The following SNX9 variants were observed in gnomAD, a reference collection of about 807,000 sequenced individuals.
SNX9 encodes the protein sorting nexin-9.
SNX9 carries 44 observed loss-of-function variants against 89.4 expected under a neutral mutation model. That is an observed-to-expected ratio of 0.49 (90% CI 0.39 to 0.63). The LOEUF is 0.63. SNX9 is among the 30% of genes least tolerant of loss of function. The pLI, the probability that SNX9 is intolerant of heterozygous loss-of-function variation, is 0.00. For synonymous variants in SNX9, 236 were observed against 247.8 expected (o/e 0.95, Z 0.45); for missense variants, 578 against 736.1 (o/e 0.79, Z 2.49).
intron 1 of SNX9, among the ~76,000 whole-genome samples, chr6:157,834,228 G>A (rs1383065397): frequency 4.4e-5 from 6 of 135,418 alleles, no homozygotes; most frequent in Non-Finnish European, 7.7e-5. Context: ...AAGTGCAGTG[G>A]TGCAACCTCC....
At chr6:157,830,050 A>C (rs548514407) in intron 1 of SNX9, 6 of 152,336 alleles carry the variant, frequency 3.9e-5, no homozygotes, top group African/African-American at 1.4e-4. Context: ...ATTTAACTCC[A>C]GTCATCTCCC....
At chr6:157,857,806 T>A (rs1259443334) in intron 1 of SNX9, among the ~76,000 whole-genome samples, 1 of 152,156 alleles carries the variant, frequency 6.6e-6, no homozygotes, top group Non-Finnish European at 1.5e-5. Context: ...GTGCTATTGA[T>A]GATATTGGGG....
intron 1 of SNX9, among the ~76,000 whole-genome samples, chr6:157,865,340 GAA>G (rs541824549): frequency 6.3e-5 from 6 of 95,476 alleles, no homozygotes; most frequent in Non-Finnish European, 6.5e-5. Flanking sequence ...ACAGTCTCAG[GAA>G]AAAAAAAAAA....
intron 4 of SNX9, among the ~76,000 whole-genome samples, chr6:157,888,229 A>T (rs945595249): frequency 2.0e-5 from 3 of 151,946 alleles, no homozygotes; most frequent in African/African-American, 7.3e-5. Flanking sequence ...GAATATTAAC[A>T]TTTTTTTTAA....
chr6:157,927,103 A>AT lies in SNX9; in HGVS notation c.1081-5dup, dbSNP rs1562620962. 2 of 1,610,926 alleles carry AT rather than the reference A, an allele frequency of 1.2e-6. No individual in the cohort carries two copies. Among genetic ancestry groups the AT allele is most frequent in the Non-Finnish European group, 1.7e-6 (2 of 1,177,068 alleles). On this transcript the variant is annotated splice_region_variant and splice_polypyrimidine_tract_variant and intron_variant, in intron 10 of 17. Coordinates refer to ENST00000392185, the MANE Select transcript of SNX9 (RefSeq NM_016224.5). ...TCCACTTGAACCTTACAACATTCTCATTTACAGGAATGGAAAACTGGAAAG... is the reference window on the plus strand; with the variant it reads ...TCCACTTGAACCTTACAACATTCTCATTTTACAGGAATGGAAAACTGGAAAG...
chr6:157,908,843 C>T (rs1318716203), intron 7 of SNX9, among the ~76,000 whole-genome samples: 1 of 152,132 alleles, frequency 6.6e-6, no homozygotes, highest in Non-Finnish European at 1.5e-5. Context: ...TAAGCCTCGC[C>T]TGAATTTGTG....
intron 1 of SNX9, among the ~76,000 whole-genome samples, chr6:157,860,716 CT>C (rs1455788999): frequency 6.6e-6 from 1 of 152,154 alleles, no homozygotes; most frequent in Non-Finnish European, 1.5e-5. Flanking sequence ...TTTGTATTTC[CT>C]GTGGTCTTAA....
At chr6:157,929,679 C>G (rs1465917391) in intron 12 of SNX9, among the ~76,000 whole-genome samples, 1 of 152,062 alleles carries the variant, frequency 6.6e-6, no homozygotes, top group African/African-American at 2.4e-5. Context: ...TGATGCTCAG[C>G]ATAGGAAAGG....
At chr6:157,896,584 T>A (rs1782981602) in intron 4 of SNX9, among the ~76,000 whole-genome samples, 1 of 152,226 alleles carries the variant, frequency 6.6e-6, no homozygotes, top group Non-Finnish European at 1.5e-5. Flanking sequence ...GTTGCTGTTT[T>A]CAAAGTTCCT....
chr6:157,856,655 C>G (rs1444389201), intron 1 of SNX9, among the ~76,000 whole-genome samples: 1 of 152,198 alleles, frequency 6.6e-6, no homozygotes, highest in Non-Finnish European at 1.5e-5. Flanking sequence ...CCTTACCTCA[C>G]TCCCAACCCT....
At chr6:157,893,612 G>GTT (rs1396951017) in intron 4 of SNX9, among the ~76,000 whole-genome samples, 1 of 150,906 alleles carries the variant, frequency 6.6e-6, no homozygotes, top group East Asian at 1.9e-4. Context: ...CACCATTTGT[G>GTT]TGTGTGTGTG....
chr6:157,878,430 C>CTTTTTTTTTTTT (rs374518124), intron 4 of SNX9, among the ~76,000 whole-genome samples: 4 of 146,880 alleles, frequency 2.7e-5, no homozygotes, highest in African/African-American at 2.5e-5. Flanking sequence ...GGAAGCCCAC[C>CTTTTTTTTTTTT]ATTTTTTTTT....
chr6:157,853,367 G>A (rs1026170014), intron 1 of SNX9, among the ~76,000 whole-genome samples: 1 of 151,838 alleles, frequency 6.6e-6, no homozygotes, highest in Non-Finnish European at 1.5e-5. Flanking sequence ...CTGATTTTAA[G>A]GTTTTTCTCT....
chr6:157,864,069 T>C (rs981722423), intron 1 of SNX9, among the ~76,000 whole-genome samples: 3 of 152,206 alleles, frequency 2.0e-5, no homozygotes, highest in East Asian at 1.9e-4. Context: ...GGGTAACTTA[T>C]AAAGAACAGA....
rs751207824 is a variant in SNX9, at chr6:157,942,848, G to C, written c.*10G>C. The C allele has an allele frequency of 1.4e-5, 23 of 1,610,694 alleles. No homozygotes were observed. Among genetic ancestry groups the C allele is most frequent in the Middle Eastern group, 1.6e-4 (1 of 6,070 alleles). On this transcript the variant is annotated 3_prime_UTR_variant, in exon 18 of 18. Coordinates refer to ENST00000392185, the MANE Select transcript of SNX9 (RefSeq NM_016224.5). ...CTTTCCAGTGATGTAGGACAGAACG[G>C]GCCTTGAAGAGAATGCCGCGTGCTT... is the stretch of plus-strand genomic sequence containing the variant.
intron 1 of SNX9, among the ~76,000 whole-genome samples, chr6:157,866,026 A>G (rs1044057403): frequency 1.3e-5 from 2 of 152,030 alleles, no homozygotes; most frequent in African/African-American, 2.4e-5. Context: ...TGAGGAAGAT[A>G]GTCTGTGAAA....
intron 4 of SNX9, among the ~76,000 whole-genome samples, chr6:157,888,935 G>T (rs1009841239): frequency 6.6e-6 from 1 of 152,170 alleles, no homozygotes; most frequent in Non-Finnish European, 1.5e-5. Flanking sequence ...CTGTGAGGAG[G>T]AGTGTGGTAC....
intron 12 of SNX9, among the ~76,000 whole-genome samples, chr6:157,930,756 A>C (rs1258362145): frequency 1.3e-5 from 2 of 152,198 alleles, no homozygotes; most frequent in African/African-American, 4.8e-5. Context: ...TCTTCCATGA[A>C]ACCAGTCCCT....
At chr6:157,926,071 T>C (rs962777770) in intron 10 of SNX9, among the ~76,000 whole-genome samples, 1 of 152,228 alleles carries the variant, frequency 6.6e-6, no homozygotes, top group African/African-American at 2.4e-5. Context: ...ACCTAATCAC[T>C]TCTTAAAGGC....
Sources: allele counts gnomAD v4.1 joint callset (sites outside exome capture counted in the v4.1 genomes callset), GRCh38; gene constraint gnomAD v4.1.1; transcripts MANE v1.5; gene names NCBI Gene and HGNC (gene_info 2026-07-23, HGNC 2026-07-21).